TOM1L1: variants seen among roughly 807,000 people sequenced by gnomAD.
The protein encoded by TOM1L1 is TOM1-like protein 1.
A neutral mutation model predicts 63.4 loss-of-function variants in TOM1L1; 64 were observed. The observed-to-expected ratio is 1.01, with a 90% CI of 0.83 to 1.24. The LOEUF is 1.24. Among genes scored for constraint, TOM1L1 ranks in the 50% most tolerant of loss-of-function variants. The pLI is 0.00. For missense variants in TOM1L1, 536 were observed against 567.0 expected (o/e 0.95, Z 0.55); for synonymous variants, 166 against 194.4 (o/e 0.85, Z 1.22).
chr17:54,925,536 C>T (rs1172008901), intron 7 of TOM1L1, among the ~76,000 whole-genome samples: 1 of 152,188 alleles, frequency 6.6e-6, no homozygotes, highest in Non-Finnish European at 1.5e-5. Flanking sequence ...AGAGCCTCCA[C>T]TCAAAAATTT....
chr17:54,917,155 T>C (rs2048604419), intron 7 of TOM1L1: 1 of 152,224 alleles, frequency 6.6e-6, no homozygotes, highest in Non-Finnish European at 1.5e-5. Flanking sequence ...TCTTCCTTAG[T>C]AGATGATAGG....
At chr17:54,953,825 T>A (rs958695461) in intron 14 of TOM1L1, 3 of 152,186 alleles carry the variant, frequency 2.0e-5, no homozygotes, top group Admixed American at 2.0e-4. Flanking sequence ...TTTTAGAGTT[T>A]TCTCTGAATA....
chr17:54,951,095 A>C (rs931379732), intron 14 of TOM1L1, among the ~76,000 whole-genome samples: 2 of 152,322 alleles, frequency 1.3e-5, no homozygotes, highest in South Asian at 2.1e-4. Flanking sequence ...CTGGGCCTCT[A>C]AACTTAGGAC....
chr17:54,937,515 TAA>T, intron 10 of TOM1L1: 1 of 371,252 alleles, frequency 2.7e-6, no homozygotes, highest in Non-Finnish European at 5.0e-6. Flanking sequence ...GGCCAATACT[TAA>T]AGTCTACTGT....
intron 6 of TOM1L1, 60 bp from the exon 7 acceptor site, chr17:54,915,686 G>A (rs1462924273): frequency 8.3e-6 from 10 of 1,198,458 alleles, no homozygotes; most frequent in African/African-American, 1.6e-5. Flanking sequence ...ATGGGGGCAG[G>A]AAACAAGGTA....
At chr17:54,940,817 A>G (rs937175515) in intron 11 of TOM1L1, among the ~76,000 whole-genome samples, 2 of 152,198 alleles carry the variant, frequency 1.3e-5, no homozygotes, top group Admixed American at 1.3e-4. Context: ...AAAAAGAGTG[A>G]AAGAGTGGTT....
chr17:54,927,524 C>G (rs1381744397), intron 7 of TOM1L1, among the ~76,000 whole-genome samples: 1 of 152,108 alleles, frequency 6.6e-6, no homozygotes, highest in Non-Finnish European at 1.5e-5. Context: ...TTGTTTTGCT[C>G]CAAAGACTTT....
At chr17:54,959,074 A>T (rs990819690) in intron 14 of TOM1L1, 6 of 152,230 alleles carry the variant, frequency 3.9e-5, no homozygotes, top group African/African-American at 1.4e-4. Context: ...AGTTTCTACC[A>T]GAGAGTTTAG....
intron 3 of TOM1L1, among the ~76,000 whole-genome samples, chr17:54,909,502 C>T (rs1180997376): frequency 6.6e-6 from 1 of 152,146 alleles, no homozygotes; most frequent in Non-Finnish European, 1.5e-5. Context: ...TTTCTTCCAG[C>T]CCTCTCTTAA....
intron 7 of TOM1L1, among the ~76,000 whole-genome samples, chr17:54,927,886 C>G (rs1176722829): frequency 1.3e-5 from 2 of 152,190 alleles, no homozygotes; most frequent in Admixed American, 6.5e-5. Context: ...TTTCATGTTT[C>G]CATTCCATCT....
At chr17:54,935,406 T>C (rs2048928816) in intron 8 of TOM1L1, among the ~76,000 whole-genome samples, 1 of 152,184 alleles carries the variant, frequency 6.6e-6, no homozygotes, top group South Asian at 2.1e-4. Flanking sequence ...CATCTGGATG[T>C]ATACCTGCAG....
chr17:54,949,461 A>G, intron 12 of TOM1L1, 57 bp from the exon 13 acceptor site: 1 of 1,156,056 alleles, frequency 8.7e-7, no homozygotes, highest in South Asian at 1.3e-5. Context: ...AGTCTCAGTA[A>G]TAAAAGAAAA....
intron 7 of TOM1L1, chr17:54,916,514 C>T (rs1238864705): frequency 6.6e-6 from 1 of 152,030 alleles, no homozygotes; most frequent in African/African-American, 2.4e-5. Flanking sequence ...TACCAGTTTG[C>T]TCTTCTAATT....
At chr17:54,901,454 T>TGGAGTGAAGAGGAGGGGAACATA (rs1435484612) in intron 1 of TOM1L1, among the ~76,000 whole-genome samples, 43 of 152,056 alleles carry the variant, frequency 2.8e-4, no homozygotes, top group African/African-American at 5.8e-4. Flanking sequence ...TGCTTGGCAT[T>TGGAGTGAAGAGGAGGGGAACATA]GGAGTGAAGA....
intron 14 of TOM1L1, chr17:54,953,849 G>A (rs2049356868): frequency 6.6e-6 from 1 of 152,204 alleles, no homozygotes; most frequent in South Asian, 2.1e-4. Context: ...GGGGCTGAGA[G>A]ATGAAGTGAG....
chr17:54,936,745 A>G (rs2048953846), intron 9 of TOM1L1, 36 bp downstream of exon 9: 1 of 1,567,966 alleles, frequency 6.4e-7, no homozygotes, highest in Non-Finnish European at 8.7e-7. Flanking sequence ...TAAACAATTG[A>G]ACATTTTGCC....
intron 8 of TOM1L1, among the ~76,000 whole-genome samples, chr17:54,933,743 G>A (rs1567833254): frequency 6.6e-6 from 1 of 152,088 alleles, no homozygotes; most frequent in Admixed American, 6.5e-5. Context: ...GGATGGTCTC[G>A]ATCTCTTGAC....
intron 7 of TOM1L1, among the ~76,000 whole-genome samples, chr17:54,925,496 G>A (rs8067361): frequency 0.021 from 3,221 of 152,312 alleles, 126 homozygotes; most frequent in African/African-American, 0.074. Context: ...TGGATCTGGA[G>A]GGCCAAGGAA....
Position 54,931,965 on chromosome 17 carries a change from T to TTG in TOM1L1, c.854+1760_854+1761insGT, listed in dbSNP as rs2032533815. Among the ~76,000 whole-genome samples the TTG allele has an allele frequency of 7.4e-5, 6 of 80,752 alleles. 1 individual carries two copies. The highest frequency in any genetic ancestry group is 2.8e-4 in the African/African-American group (6 of 21,150). The allele number at this position is 80,752 out of a possible 152,430, so 53.0% of individuals were successfully genotyped here. A position where few individuals can be genotyped will look rare whatever the true frequency, so the allele number is the denominator to read the frequency against. ...TTTTTCTTCGTTTTTTTTTTGTTTG[T>TTG]TTGTTTGTTTGTTTTTTTGAGATGG... On this transcript the variant is annotated intron_variant, in intron 8 of 15. Coordinates refer to ENST00000575882, the MANE Select transcript of TOM1L1 (RefSeq NM_005486.3).
Sources: allele counts gnomAD v4.1 joint callset (sites outside exome capture counted in the v4.1 genomes callset), GRCh38; gene constraint gnomAD v4.1.1; transcripts MANE v1.5; gene names NCBI Gene and HGNC (gene_info 2026-07-23, HGNC 2026-07-21).